Variants in KNTC1 observed in about 807,000 individuals in gnomAD.
KNTC1 encodes the protein kinetochore associated 1, also known as kinetochore-associated protein 1.
In KNTC1, 253 loss-of-function variants were observed where a neutral mutation model predicts 314.4. The ratio of observed to expected loss-of-function variants is 0.80; its 90% CI spans 0.73 to 0.89. The LOEUF (loss-of-function observed/expected upper bound fraction) is 0.89, where lower values mean the gene tolerates loss of function less well. Among genes scored for constraint, KNTC1 ranks in the 40% least tolerant of loss-of-function variants. KNTC1 has a pLI of 0.00. For missense variants in KNTC1, 2,475 were observed against 2,572.9 expected (o/e 0.96, Z 0.82); for synonymous variants, 901 against 901.4 (o/e 1.00, Z 0.01).
At chr12:122,550,114 C>T (rs1455979424) in intron 13 of KNTC1, among the ~76,000 whole-genome samples, 2 of 151,738 alleles carry the variant, frequency 1.3e-5, no homozygotes, top group East Asian at 1.9e-4. Context: ...ATTCTTCTTT[C>T]TTGTGTCTCT....
At chr12:122,594,215 T>TA (rs1245905333) in intron 42 of KNTC1, 61 bp from the exon 43 acceptor site, 3 of 924,290 alleles carry the variant, frequency 3.2e-6, no homozygotes, top group Admixed American at 1.9e-5. Context: ...ATGTTGCCCT[T>TA]ACTCTGATAC....
At chr12:122,538,961 G>T (rs563892208) in intron 4 of KNTC1, among the ~76,000 whole-genome samples, 1 of 152,222 alleles carries the variant, frequency 6.6e-6, no homozygotes, top group Non-Finnish European at 1.5e-5. Context: ...TTGGTGAAAG[G>T]CCAGGGTTGA....
In KNTC1 at chr12:122,622,686, C is replaced by T. The variant is rs374646806; in HGVS notation, c.6515+79C>T. ...TTTATAAGCTGGGCACGATGGCTCA[C>T]GACTGTAATCCTAGCACTTTGGGAA... On this transcript the variant is annotated intron_variant, in intron 62 of 63. Coordinates refer to ENST00000333479, the MANE Select transcript of KNTC1 (RefSeq NM_014708.6). 232 of 1,180,734 alleles carry T rather than the reference C, an allele frequency of 2.0e-4. No homozygotes were observed. In the East Asian group the frequency reaches 4.7e-3, roughly 24 times the overall value. 73.1% of individuals were successfully genotyped at this position (1,180,734 alleles called of 1,614,324 possible). A position where few individuals can be genotyped will look rare whatever the true frequency, so the allele number is the denominator to read the frequency against.
chr12:122,546,596 G>T, intron 9 of KNTC1, 26 bp from the exon 10 acceptor site: 1 of 1,469,484 alleles, frequency 6.8e-7, no homozygotes. Flanking sequence ...ATAAAATCCT[G>T]AGACATCTTA....
At chr12:122,581,198 A>AT (rs34152519) in intron 33 of KNTC1, among the ~76,000 whole-genome samples, 26,879 of 135,226 alleles carry the variant, frequency 0.2, 3,114 homozygotes, top group East Asian at 0.44. Context: ...TGTGTTATTA[A>AT]TTTTTTTTTT....
chr12:122,580,636 T>C lies in KNTC1; in HGVS notation c.2948T>C (p.Met983Thr), dbSNP rs370526642. The change falls in exon 33 of 64, where the codon ATG becomes ACG. Residue 983 changes from methionine to threonine, a missense_variant. Transcript: ENST00000333479. Reference protein sequence around the residue: ...NLQKKDECEEMLKLFKEVASL... With the variant: ...NLQKKDECEETLKLFKEVASL... Reference sequence around the variant, plus strand: ...CAGAAGAAGGACGAATGTGAAGAAATGTTGAAACTATTTAAAGAGGTTGCT... The same window carrying C: ...CAGAAGAAGGACGAATGTGAAGAAACGTTGAAACTATTTAAAGAGGTTGCT... The C allele has an allele frequency of 1.9e-4, 298 of 1,574,904 alleles. No individual in the cohort carries two copies. The highest frequency in any genetic ancestry group is 2.5e-4 in the Non-Finnish European group (292 of 1,158,810).
At chr12:122,580,851 A>G (rs1269812218) in intron 33 of KNTC1, among the ~76,000 whole-genome samples, 181 bp downstream of exon 33, 1 of 151,926 alleles carries the variant, frequency 6.6e-6, no homozygotes, top group East Asian at 1.9e-4. Flanking sequence ...ACACGGTGAA[A>G]CCCCGTCTCT....
chr12:122,597,892 C>A lies in KNTC1; in HGVS notation c.4517C>A (p.Thr1506Lys). ...GCCCTTGAGATGGTTCCTTTACTGA[C>A]GAGCACAAAAGATTTGGTCATCAGT... ...AKALEMVPLL[T>K]STKDLVISLS... is the part of the protein sequence containing the mutation. The change falls in exon 44 of 64, where the codon ACG (threonine) becomes AAG (lysine). Residue 1506 changes from threonine (T) to lysine (K), a missense_variant. Physicochemically the swap from Thr to Lys is moderately conservative, Grantham distance 78. Transcript: ENST00000333479. 2 of 1,614,004 alleles carry A rather than the reference C, an allele frequency of 1.2e-6. No individual in the cohort carries two copies. Among genetic ancestry groups the A allele is most frequent in the Non-Finnish European group, 1.7e-6 (2 of 1,179,886 alleles).
In KNTC1 at chr12:122,588,746, ATGT is replaced by A; in HGVS notation, c.3934_3936del (p.Val1312del). 1 of 1,560,004 alleles carries A rather than the reference ATGT, an allele frequency of 6.4e-7. No individual in the cohort carries two copies. The highest frequency in any genetic ancestry group is 8.7e-7 in the Non-Finnish European group (1 of 1,152,058). Reference sequence around the variant, plus strand: ...GAGACTACATTAGTTAAATCAAGGCATGTTGTTATGGAATTGAAAGAAAAAGCT... The same window carrying A: ...GAGACTACATTAGTTAAATCAAGGCATGTTATGGAATTGAAAGAAAAAGCT... On this transcript the variant is annotated inframe_deletion, in exon 40 of 64. Transcript: ENST00000333479.
intron 18 of KNTC1, 65 bp downstream of exon 18, chr12:122,557,754 A>G (rs968083008): frequency 5.4e-6 from 6 of 1,104,306 alleles, no homozygotes; most frequent in Admixed American, 4.3e-5. Context: ...ATCTCTCATA[A>G]TCCTGCCTCA....
At chr12:122,585,050 T>A (rs1237635360) in intron 36 of KNTC1, 60 bp downstream of exon 36, 16 of 950,866 alleles carry the variant, frequency 1.7e-5, no homozygotes, top group Non-Finnish European at 2.7e-5. Context: ...CACCTTTTTT[T>A]TTTTTCGGAC....
rs1228642835 is a variant in KNTC1, at chr12:122,609,371, TA to T, written c.5497-12del. On this transcript the variant is annotated splice_polypyrimidine_tract_variant and intron_variant, in intron 51 of 63. Transcript: ENST00000333479. The stretch of plus-strand genomic sequence containing the variant: ...TTTTCAGTTTTTGACCTTTTTTTCC[TA>T]CCTTTTCAAAGAAACCATCAGAATT... The T allele has an allele frequency of 2.6e-6, 4 of 1,553,786 alleles. No individual in the cohort carries two copies. Among genetic ancestry groups the T allele is most frequent in the Non-Finnish European group, 3.5e-6 (4 of 1,142,420 alleles).
intron 55 of KNTC1, among the ~76,000 whole-genome samples, chr12:122,614,693 C>T (rs941827769): frequency 7.9e-5 from 12 of 151,812 alleles, no homozygotes; most frequent in Middle Eastern, 6.4e-3. Flanking sequence ...CCAGCCTGCC[C>T]GACATGGTGA....
rs1868898855 is a variant in KNTC1, at chr12:122,584,261, CTT to C, written c.3264-15_3264-14del. ...AATGTGAGTATTCTAACTACCAATA[CTT>C]TCTTTCTTCCAAAGCGACTTGTTTA... On this transcript the variant is annotated splice_polypyrimidine_tract_variant and intron_variant, in intron 34 of 63. Coordinates refer to ENST00000333479, the MANE Select transcript of KNTC1 (RefSeq NM_014708.6). 1 of 1,589,380 alleles carries C rather than the reference CTT, an allele frequency of 6.3e-7. No homozygotes were observed. The highest frequency in any genetic ancestry group is 1.3e-5 in the African/African-American group (1 of 74,326).
chr12:122,604,531 ATCTT>A (rs1872361814), intron 48 of KNTC1, 29 bp from the exon 49 acceptor site: 1 of 1,171,014 alleles, frequency 8.5e-7, no homozygotes, highest in Admixed American at 2.2e-5. Context: ...TTGCCTGTAA[ATCTT>A]TATTTATTTA....
At chr12:122,556,748 C>T (rs143952093) in intron 16 of KNTC1, among the ~76,000 whole-genome samples, 328 of 152,026 alleles carry the variant, frequency 2.2e-3, no homozygotes, top group African/African-American at 7.6e-3. Flanking sequence ...CAGGCGTGAG[C>T]CACCGTGCCC....
chr12:122,601,669 T>C (rs1871930611), intron 45 of KNTC1, 44 bp downstream of exon 45: 3 of 1,427,756 alleles, frequency 2.1e-6, no homozygotes, highest in Non-Finnish European at 1.8e-6. Flanking sequence ...CTTTCTGCTT[T>C]TATTTGGATC....
chr12:122,602,731 A>G lies in KNTC1; in HGVS notation c.4816A>G (p.Lys1606Glu), dbSNP rs752554885. 4.3e-6 allele frequency: 7 copies of G among 1,613,704 alleles called. No homozygotes were observed. Among genetic ancestry groups the G allele is most frequent in the Non-Finnish European group, 5.9e-6 (7 of 1,179,784 alleles). Residue 1606 changes from lysine to glutamate, a missense_variant, in exon 46 of 64, where the codon AAA (lysine) becomes GAA (glutamate). Coordinates refer to ENST00000333479, the MANE Select transcript of KNTC1 (RefSeq NM_014708.6). ...CTTTGGCACAGCACAGAACTTCTGG[A>G]AAATTCTCTGTATGTGTTCATTAAC... ...IFFGTAQNFW[K>E]ILSTELSEES...
rs1377736642 is a variant in KNTC1, at chr12:122,572,923, C to T, written c.2020-14C>T. 2.0e-6 allele frequency: 3 copies of T among 1,513,454 alleles called. No individual in the cohort carries two copies. Among genetic ancestry groups the T allele is most frequent in the Non-Finnish European group, 9.0e-7 (1 of 1,110,632 alleles). The allele number at this position is 1,513,454 out of a possible 1,614,324, so 93.8% of individuals were successfully genotyped here. On this transcript the variant is annotated splice_polypyrimidine_tract_variant and intron_variant, in intron 24 of 63. Coordinates refer to ENST00000333479, the MANE Select transcript of KNTC1 (RefSeq NM_014708.6). Reference sequence around the variant, plus strand: ...TATTTTATATCGTTAACAACTTTAACACTTTTGTTTTAGAAAGATTATCAG... The same window carrying T: ...TATTTTATATCGTTAACAACTTTAATACTTTTGTTTTAGAAAGATTATCAG...
Sources: gnomAD v4.1 joint callset for allele counts (sites outside exome capture counted in the v4.1 genomes callset) on GRCh38, gnomAD v4.1.1 for gene constraint, MANE v1.5 for transcripts, NCBI Gene and HGNC (gene_info 2026-07-23, HGNC 2026-07-21) for gene names.